Variants in TRIQK observed in about 807,000 individuals in gnomAD.
TRIQK encodes triple QxxK/R motif containing, also known as triple QxxK/R motif-containing protein.
Under a neutral mutation model 10.8 loss-of-function variants are expected in TRIQK, and 10 were observed. The observed-to-expected ratio is 0.92, with a 90% CI of 0.57 to 1.57. The LOEUF (loss-of-function observed/expected upper bound fraction) is 1.57, where lower values mean the gene tolerates loss of function less well. Among genes scored for constraint, TRIQK ranks in the 40% most tolerant of loss-of-function variants. The pLI is 0.00. For missense variants in TRIQK, 107 were observed against 97.7 expected (o/e 1.09, Z -0.40); for synonymous variants, 33 against 33.7 (o/e 0.98, Z 0.07).
intron 1 of TRIQK, among the ~76,000 whole-genome samples, chr8:92,998,935 T>C (rs904904223): frequency 1.3e-5 from 2 of 152,082 alleles, no homozygotes; most frequent in Admixed American, 6.5e-5. Context: ...TTAGAAAATC[T>C]CTCAGGTAGG....
chr8:92,906,774 T>G (rs536017582), intron 3 of TRIQK, among the ~76,000 whole-genome samples: 339 of 148,766 alleles, frequency 2.3e-3, no homozygotes, highest in Non-Finnish European at 4.0e-3. Flanking sequence ...GCGCCTGTGG[T>G]CCCAGCTACT....
At chr8:92,945,710 G>A (rs1327250491) in intron 2 of TRIQK, among the ~76,000 whole-genome samples, 2 of 152,148 alleles carry the variant, frequency 1.3e-5, no homozygotes, top group Non-Finnish European at 2.9e-5. Flanking sequence ...TTATATGCAT[G>A]TGCAGGCATG....
chr8:92,899,565 T>C lies in TRIQK; in HGVS notation c.62-7491A>G, dbSNP rs1586382540. Among the ~76,000 whole-genome samples, 4 of 152,192 alleles carry C rather than the reference T, an allele frequency of 2.6e-5. No individual in the cohort carries two copies. The East Asian group carries it at 7.7e-4, about 29-fold the overall frequency. On this transcript the variant is annotated intron_variant, in intron 3 of 4. Transcript: ENST00000521988. The stretch of plus-strand genomic sequence containing the variant: ...ATGACCTCCAGTTACATCCATGTTG[T>C]CGCAAATGACAGGATCTCATTCTTT...
At chr8:92,957,610 A>G (rs1563661072) in intron 1 of TRIQK, among the ~76,000 whole-genome samples, 1 of 151,914 alleles carries the variant, frequency 6.6e-6, no homozygotes, top group East Asian at 1.9e-4. Flanking sequence ...AAGCAAAGAA[A>G]ATCTAAATAT....
chr8:92,946,735 T>C (rs1186199762), intron 2 of TRIQK, among the ~76,000 whole-genome samples: 2 of 151,516 alleles, frequency 1.3e-5, no homozygotes, highest in East Asian at 1.9e-4. Flanking sequence ...TCCCTACCAT[T>C]TATTTTTTAT....
chr8:92,984,789 CTCTCT>C (rs1251227727), intron 1 of TRIQK, among the ~76,000 whole-genome samples: 1 of 152,014 alleles, frequency 6.6e-6, no homozygotes, highest in Non-Finnish European at 1.5e-5. Context: ...TTTTGTTTCT[CTCTCT>C]TCTCTTCTTT....
chr8:92,911,535 G>A (rs1809566046), intron 3 of TRIQK, among the ~76,000 whole-genome samples: 2 of 151,360 alleles, frequency 1.3e-5, no homozygotes, highest in South Asian at 4.1e-4. Flanking sequence ...TAAAAGACTA[G>A]CTTTAGATTT....
At position 92,938,404 on chromosome 8, in the gene TRIQK, C is replaced by T. The variant is rs556313989; in HGVS notation, c.-22+16002G>A. ...TTTGTCTTTAGTTTATATTCCTCAC[C>T]CATACTTGCTACTTTTAATGATTTT... On this transcript the variant is annotated intron_variant, in intron 2 of 4. Transcript: ENST00000521988. Among the ~76,000 whole-genome samples, 19 of 152,062 alleles carry T rather than the reference C, an allele frequency of 1.2e-4. 1 individual carries two copies. Among genetic ancestry groups the T allele is most frequent in the African/African-American group, 4.6e-4 (19 of 41,510 alleles).
chr8:92,935,481 T>C lies in TRIQK; in HGVS notation c.-21-18471A>G, dbSNP rs1271872309. On this transcript the variant is annotated intron_variant, in intron 2 of 4. Coordinates refer to ENST00000521988, the MANE Select transcript of TRIQK (RefSeq NM_001171797.2). ...ACAGAAAGTTTTGAAAAATTAGTAA[T>C]GTAGCTAAAGTGATAAGTAAGCACA... is the stretch of plus-strand genomic sequence containing the variant. 4.6e-5 allele frequency among the ~76,000 whole-genome samples: 7 copies of C among 151,312 alleles called. No individual in the cohort carries two copies. The East Asian group carries it at 1.2e-3, about 25-fold the overall frequency.
upstream of TRIQK, among the ~76,000 whole-genome samples, chr8:92,969,421 A>T (rs1272567333): frequency 6.6e-6 from 1 of 152,102 alleles, no homozygotes; most frequent in East Asian, 1.9e-4. Context: ...AAAATTATTG[A>T]CACATATATT....
intron 2 of TRIQK, among the ~76,000 whole-genome samples, chr8:92,945,765 T>C (rs183466296): frequency 6.6e-5 from 10 of 152,344 alleles, no homozygotes; most frequent in African/African-American, 1.9e-4. Context: ...GGTAGCTATA[T>C]GTATTAAATT....
intron 2 of TRIQK, among the ~76,000 whole-genome samples, chr8:92,918,776 C>T (rs960802470): frequency 9.2e-6 from 1 of 108,240 alleles, no homozygotes; most frequent in African/African-American, 4.3e-5. Context: ...TGAGATCTTA[C>T]CCCCCCCCAC....
chr8:92,991,895 C>T (rs960478040), intron 1 of TRIQK, among the ~76,000 whole-genome samples: 2 of 152,056 alleles, frequency 1.3e-5, no homozygotes, highest in African/African-American at 2.4e-5. Flanking sequence ...GAGTGAACTC[C>T]CATTCACAAT....
chr8:92,950,797 A>G (rs1344600585), intron 2 of TRIQK, among the ~76,000 whole-genome samples: 1 of 152,144 alleles, frequency 6.6e-6, no homozygotes, highest in East Asian at 1.9e-4. Flanking sequence ...ATTCCAACGA[A>G]TATCTTCCAA....
intron 2 of TRIQK, among the ~76,000 whole-genome samples, chr8:92,925,318 C>G (rs1240009056): frequency 2.0e-5 from 3 of 151,908 alleles, no homozygotes; most frequent in African/African-American, 7.3e-5. Context: ...ATATTATATT[C>G]ATGACTTTGT....
At chr8:92,952,695 T>C (rs1811968787) in intron 2 of TRIQK, among the ~76,000 whole-genome samples, 1 of 152,024 alleles carries the variant, frequency 6.6e-6, no homozygotes, top group Non-Finnish European at 1.5e-5. Context: ...CCTGGATATC[T>C]TATACTCCTT....
At chr8:92,954,933 TTC>T (rs750072054) in intron 1 of TRIQK, among the ~76,000 whole-genome samples, 6 of 151,928 alleles carry the variant, frequency 3.9e-5, no homozygotes, top group East Asian at 1.9e-4. Context: ...TAAAATTATT[TTC>T]TGTTATTTTA....
At chr8:92,962,706 G>A (rs539698197) in intron 1 of TRIQK, among the ~76,000 whole-genome samples, 17 of 152,174 alleles carry the variant, frequency 1.1e-4, no homozygotes, top group Admixed American at 6.5e-4. Context: ...GTATCTGACC[G>A]GTTCACATTA....
At chr8:92,975,895 A>G (rs933597884) in intron 1 of TRIQK, among the ~76,000 whole-genome samples, 1 of 151,880 alleles carries the variant, frequency 6.6e-6, no homozygotes, top group Non-Finnish European at 1.5e-5. Context: ...AAAACTTCTC[A>G]TTTCATTTTG....
Sources: gnomAD v4.1 joint callset for allele counts (sites outside exome capture counted in the v4.1 genomes callset) on GRCh38, gnomAD v4.1.1 for gene constraint, MANE v1.5 for transcripts, NCBI Gene and HGNC (gene_info 2026-07-23, HGNC 2026-07-21) for gene names.